CREB5: variants seen among roughly 807,000 people sequenced by gnomAD.
CREB5 encodes cAMP responsive element binding protein 5.
A neutral mutation model predicts 57.1 loss-of-function variants in CREB5; 19 were observed. That is an observed-to-expected ratio of 0.33 (90% CI 0.23 to 0.49). The LOEUF (loss-of-function observed/expected upper bound fraction) is 0.49. Ranked by LOEUF, CREB5 falls within the 20% of genes least tolerant of loss-of-function variation. The pLI is 0.99. For synonymous variants in CREB5, 238 were observed against 238.3 expected, an observed-to-expected ratio of 1.00 and a Z score of 0.01; for missense variants, 579 against 671.6, an observed-to-expected ratio of 0.86 and a Z score of 1.52.
At chr7:28,331,319 C>T (rs1168250094) in intron 1 of CREB5, among the ~76,000 whole-genome samples, 1 of 151,928 alleles carries the variant, frequency 6.6e-6, no homozygotes, top group African/African-American at 2.4e-5. Context: ...CTTAAGGAGC[C>T]GTTTTAGAAT....
chr7:28,328,895 A>G (rs1391868456), intron 1 of CREB5, among the ~76,000 whole-genome samples: 2 of 152,182 alleles, frequency 1.3e-5, no homozygotes, highest in Non-Finnish European at 2.9e-5. Flanking sequence ...TGTATACACT[A>G]TGATGTGATG....
chr7:28,376,822 G>T (rs1786840564), intron 1 of CREB5, among the ~76,000 whole-genome samples: 1 of 152,110 alleles, frequency 6.6e-6, no homozygotes, highest in Non-Finnish European at 1.5e-5. Context: ...AAGAAGCTGG[G>T]GCAAATTGGC....
At position 28,431,981 on chromosome 7, in the gene CREB5, C is replaced by CAT. The variant is rs142344867; in HGVS notation, c.3+19064_3+19065insAT. ...TTTGAGGTGACTGCAAACAGCTATG[C>CAT]CTTTTTTTTTTTTTTTTTGCTTTTT... On this transcript the variant is annotated intron_variant, in intron 1 of 10. Transcript: ENST00000357727. Among the ~76,000 whole-genome samples the CAT allele has an allele frequency of 1.0e-3, 144 of 137,900 alleles. 1 individual carries two copies. The highest frequency in any genetic ancestry group is 2.6e-3 in the South Asian group (11 of 4,306). 90.5% of individuals were successfully genotyped at this position (137,900 alleles called of 152,430 possible). A position where few individuals can be genotyped will look rare whatever the true frequency, so the allele number is the denominator to read the frequency against.
At chr7:28,804,622 C>A (rs1390917299) in intron 8 of CREB5, 100 bp downstream of exon 8, 1 of 1,433,948 alleles carries the variant, frequency 7.0e-7, no homozygotes, top group Non-Finnish European at 9.6e-7. Flanking sequence ...TTGACAAGCC[C>A]AGGTGTTCTA....
chr7:28,762,792 G>T (rs1246937426), intron 7 of CREB5, among the ~76,000 whole-genome samples: 1 of 151,170 alleles, frequency 6.6e-6, no homozygotes, highest in African/African-American at 2.4e-5. Context: ...GAAACTGAGA[G>T]AAAGTGCATT....
At chr7:28,623,470 A>G (rs547041865) in intron 5 of CREB5, among the ~76,000 whole-genome samples, 4 of 152,314 alleles carry the variant, frequency 2.6e-5, no homozygotes, top group Admixed American at 2.0e-4. Flanking sequence ...TGCGAGGGTT[A>G]AATGGTTGTC....
intron 1 of CREB5, among the ~76,000 whole-genome samples, chr7:28,324,605 G>A (rs1785550123): frequency 6.6e-6 from 1 of 152,084 alleles, no homozygotes; most frequent in South Asian, 2.1e-4. Flanking sequence ...GCACGTTCCT[G>A]AGCCCTCTTC....
At chr7:28,344,151 C>G (rs1245514269) in intron 1 of CREB5, among the ~76,000 whole-genome samples, 2 of 151,242 alleles carry the variant, frequency 1.3e-5, no homozygotes, top group Non-Finnish European at 1.5e-5. Context: ...TGTAGGTTGT[C>G]TCTTCAGCAT....
intron 5 of CREB5, among the ~76,000 whole-genome samples, chr7:28,632,766 A>G (rs1480151720): frequency 1.3e-5 from 2 of 152,132 alleles, no homozygotes; most frequent in Non-Finnish European, 2.9e-5. Flanking sequence ...CCCTGATCTC[A>G]GTCACCCTCC....
intron 5 of CREB5, among the ~76,000 whole-genome samples, chr7:28,662,449 G>A (rs1265537535): frequency 6.6e-6 from 1 of 152,162 alleles, no homozygotes; most frequent in Non-Finnish European, 1.5e-5. Flanking sequence ...TGCTTGCCTC[G>A]GCAGGAAATG....
intron 5 of CREB5, among the ~76,000 whole-genome samples, chr7:28,581,199 A>G (rs1367213573): frequency 6.6e-6 from 1 of 152,204 alleles, no homozygotes; most frequent in African/African-American, 2.4e-5. Flanking sequence ...ACTTTTTCCC[A>G]ATGTGTTTAA....
intron 1 of CREB5, among the ~76,000 whole-genome samples, chr7:28,477,305 G>A (rs983368224): frequency 8.5e-5 from 13 of 152,192 alleles, no homozygotes; most frequent in Admixed American, 1.3e-4. Context: ...CAATAGGCAT[G>A]TCTCATAGGC....
At chr7:28,793,174 T>G (rs1000075071) in intron 7 of CREB5, among the ~76,000 whole-genome samples, 2 of 152,024 alleles carry the variant, frequency 1.3e-5, no homozygotes, top group African/African-American at 4.8e-5. Context: ...CCCCACACTT[T>G]GAGGTCTCAG....
At chr7:28,483,477 C>T (rs1432029412) in intron 1 of CREB5, among the ~76,000 whole-genome samples, 1 of 152,124 alleles carries the variant, frequency 6.6e-6, no homozygotes, top group East Asian at 1.9e-4. Context: ...TTATCTTCCT[C>T]AAATTTGAAG....
chr7:28,571,194 A>G (rs1278444813), intron 5 of CREB5, among the ~76,000 whole-genome samples: 1 of 152,176 alleles, frequency 6.6e-6, no homozygotes, highest in Non-Finnish European at 1.5e-5. Flanking sequence ...TCATCATGCT[A>G]CTCAGAATGG....
intron 1 of CREB5, among the ~76,000 whole-genome samples, chr7:28,400,918 T>A (rs2127999652): frequency 6.6e-6 from 1 of 152,360 alleles, no homozygotes; most frequent in East Asian, 1.9e-4. Context: ...GGGATATCAA[T>A]AATGTTTTAG....
chr7:28,498,895 A>G (rs1318542995), intron 3 of CREB5, among the ~76,000 whole-genome samples: 1 of 152,204 alleles, frequency 6.6e-6, no homozygotes, highest in Non-Finnish European at 1.5e-5. Flanking sequence ...ATAATTTCAT[A>G]GTAAGGGAAG....
chr7:28,373,392 T>G (rs535456777), intron 1 of CREB5, among the ~76,000 whole-genome samples: 37 of 152,170 alleles, frequency 2.4e-4, no homozygotes, highest in African/African-American at 8.9e-4. Flanking sequence ...TGTTAAAAAG[T>G]GGTAGTAGGA....
rs1416148801 is a variant in CREB5 at position 28,560,851 on chromosome 7, T to TGCGTGCGCGTGCGTGC, written c.292-9513_292-9512insCGTGCGCGTGCGTGCG. 2.0e-4 allele frequency among the ~76,000 whole-genome samples: 14 copies of TGCGTGCGCGTGCGTGC among 69,198 alleles called. 2 individuals are homozygous for TGCGTGCGCGTGCGTGC. The highest frequency in any genetic ancestry group is 5.7e-4 in the African/African-American group (10 of 17,644). 45.4% of individuals were successfully genotyped at this position (69,198 alleles called of 152,430 possible). ...GCGCGCGCGTGTGTGTGTGCGCGTG[T>TGCGTGCGCGTGCGTGC]GTGTGTGCGTGTGCCTGCGTGCGCG... On this transcript the variant is annotated intron_variant, in intron 4 of 10. Coordinates refer to ENST00000357727, the MANE Select transcript of CREB5 (RefSeq NM_182898.4).
Sources: allele counts gnomAD v4.1 joint callset (sites outside exome capture counted in the v4.1 genomes callset), GRCh38; gene constraint gnomAD v4.1.1; transcripts MANE v1.5; gene names NCBI Gene and HGNC (gene_info 2026-07-23, HGNC 2026-07-21).